Variants in SPATA13 observed in about 807,000 individuals in gnomAD.
SPATA13 encodes the protein spermatogenesis-associated protein 13.
SPATA13 carries 50 observed loss-of-function variants against 104.0 expected under a neutral mutation model. The observed-to-expected ratio is 0.48, with a 90% CI of 0.38 to 0.61. The LOEUF (loss-of-function observed/expected upper bound fraction) is 0.61. Ranked by LOEUF, SPATA13 falls within the 20% of genes least tolerant of loss-of-function variation. The pLI is 0.00. For synonymous variants in SPATA13, 606 were observed against 667.5 expected (o/e 0.91, Z 1.42); for missense variants, 1,524 against 1,690.6 (o/e 0.90, Z 1.73).
chr13:24,280,924 A>G (rs1271417397), intron 4 of SPATA13, among the ~76,000 whole-genome samples: 2 of 152,130 alleles, frequency 1.3e-5, no homozygotes, highest in Non-Finnish European at 2.9e-5. Context: ...TTTAAAACGA[A>G]ACAGTCACCA....
intron 4 of SPATA13, chr13:24,278,832 C>A (rs746731890): frequency 2.5e-6 from 4 of 1,590,924 alleles, no homozygotes; most frequent in Non-Finnish European, 3.4e-6. Flanking sequence ...GCAAGTTCAT[C>A]TGACCCCAAA....
At position 24,139,790 on chromosome 13, in the gene SPATA13, G is replaced by A. The variant is rs1015064316; in HGVS notation, c.-111-83029G>A. ...TTTTAAAATCTGTAACATGCAGGCC[G>A]GGCGCGGTGGCTCACGTCTGTAATC... On this transcript the variant is annotated intron_variant, in intron 3 of 14. Transcript: ENST00000424834. 1.3e-4 allele frequency among the ~76,000 whole-genome samples: 20 copies of A among 152,198 alleles called. No individual in the cohort carries two copies. In the South Asian group the frequency reaches 1.9e-3, roughly 14 times the overall value.
intron 3 of SPATA13, among the ~76,000 whole-genome samples, chr13:24,070,237 T>C (rs747551086): frequency 3.9e-5 from 6 of 152,186 alleles, no homozygotes; most frequent in Non-Finnish European, 8.8e-5. Context: ...GTTTGCACGG[T>C]AAACATGATG....
chr13:24,145,537 C>G (rs745746969), intron 3 of SPATA13, among the ~76,000 whole-genome samples: 8 of 152,150 alleles, frequency 5.3e-5, no homozygotes, highest in Admixed American at 1.3e-4. Flanking sequence ...TACTCCAGGC[C>G]TCAGTAAGAA....
At chr13:23,993,716 AG>A (rs1371512147) in intron 2 of SPATA13, among the ~76,000 whole-genome samples, 1 of 152,202 alleles carries the variant, frequency 6.6e-6, no homozygotes, top group Non-Finnish European at 1.5e-5. Context: ...CTAGAGGGAG[AG>A]GAAGCATCCA....
At chr13:24,151,220 G>A (rs545970254) in intron 3 of SPATA13, among the ~76,000 whole-genome samples, 5 of 152,312 alleles carry the variant, frequency 3.3e-5, no homozygotes, top group African/African-American at 1.2e-4. Flanking sequence ...TGTGATTGTG[G>A]GCATGCGTCC....
chr13:24,071,583 C>G (rs916305247), intron 3 of SPATA13, among the ~76,000 whole-genome samples: 2 of 152,220 alleles, frequency 1.3e-5, no homozygotes, highest in African/African-American at 4.8e-5. Flanking sequence ...GATGTGACCT[C>G]TGGTCTGACT....
At chr13:24,170,505 A>C (rs924591379) in intron 1 of SPATA13, among the ~76,000 whole-genome samples, 1 of 152,218 alleles carries the variant, frequency 6.6e-6, no homozygotes. Context: ...GTCTGTCGTC[A>C]GCAAGAGGTG....
intron 2 of SPATA13, among the ~76,000 whole-genome samples, chr13:24,243,558 C>T (rs1427568405): frequency 6.6e-6 from 1 of 152,180 alleles, no homozygotes; most frequent in East Asian, 1.9e-4. Context: ...GCTCTATTAA[C>T]GTGAGCAAAT....
intron 3 of SPATA13, among the ~76,000 whole-genome samples, chr13:24,045,278 T>C (rs1315851164): frequency 6.6e-6 from 1 of 152,240 alleles, no homozygotes; most frequent in Non-Finnish European, 1.5e-5. Flanking sequence ...TAGAGCTAAA[T>C]TTAATATTCG....
At chr13:24,117,907 T>C (rs1880904348) in intron 3 of SPATA13, among the ~76,000 whole-genome samples, 2 of 152,230 alleles carry the variant, frequency 1.3e-5, no homozygotes. Context: ...TTGGGTTGTT[T>C]ATAAAAACCA....
chr13:24,286,633 T>C lies in SPATA13; in HGVS notation c.2482-132T>C. On this transcript the variant is annotated intron_variant, in intron 6 of 12. Transcript: ENST00000382108. The surrounding 1 kb of genome is among the most constrained non-coding windows in gnomAD (Gnocchi z 4.9). Reference sequence around the variant, plus strand: ...CATAGCCGCAGCCCTGCTGAGGCCATGAGACTCAGGCGAGGGCCAGGCTGC... The same window carrying C: ...CATAGCCGCAGCCCTGCTGAGGCCACGAGACTCAGGCGAGGGCCAGGCTGC... 1 of 910,208 alleles carries C rather than the reference T, an allele frequency of 1.1e-6. No homozygotes were observed. 56.4% of individuals were successfully genotyped at this position (910,208 alleles called of 1,614,324 possible). A position where few individuals can be genotyped will look rare whatever the true frequency, so the allele number is the denominator to read the frequency against.
chr13:24,297,911 C>G lies in SPATA13; in HGVS notation c.3583+176C>G, dbSNP rs77218736. Reference sequence around the variant, plus strand: ...CTTCTGAATGCACTTACAAGACAGACCATGTCAGATGTAGTTACTACCGGC... The same window carrying G: ...CTTCTGAATGCACTTACAAGACAGAGCATGTCAGATGTAGTTACTACCGGC... On this transcript the variant is annotated intron_variant, in intron 11 of 12. Transcript: ENST00000382108. 1.1e-3 allele frequency among the ~76,000 whole-genome samples: 174 copies of G among 152,348 alleles called. 1 individual carries two copies. In the East Asian group the frequency reaches 0.019, roughly 17 times the overall value.
At position 24,110,109 on chromosome 13, in the gene SPATA13, G is replaced by A. The variant is rs113789750; in HGVS notation, c.-112+92408G>A. Among the ~76,000 whole-genome samples, 92 of 151,166 alleles carry A rather than the reference G, an allele frequency of 6.1e-4. 1 individual carries two copies. Among genetic ancestry groups the A allele is most frequent in the African/African-American group, 2.0e-3 (83 of 41,080 alleles). On this transcript the variant is annotated intron_variant, in intron 3 of 14. Transcript: ENST00000424834. ...CTTTATTGTTAACTACATCACTCCA[G>A]CTATAGGGTAAATAATGGCACTTTG...
chr13:24,005,452 T>C (rs887539817), intron 2 of SPATA13, among the ~76,000 whole-genome samples: 2 of 152,182 alleles, frequency 1.3e-5, no homozygotes, highest in Non-Finnish European at 2.9e-5. Flanking sequence ...CAGGAGCTCA[T>C]ATTTAAGTAC....
intron 3 of SPATA13, among the ~76,000 whole-genome samples, chr13:24,080,640 C>A (rs1194519746): frequency 6.6e-6 from 1 of 152,188 alleles, no homozygotes; most frequent in Non-Finnish European, 1.5e-5. Flanking sequence ...ACAGGTAGAT[C>A]TGAGATTTCA....
intron 3 of SPATA13, among the ~76,000 whole-genome samples, chr13:24,110,034 A>G (rs1880586938): frequency 6.7e-6 from 1 of 148,710 alleles, no homozygotes; most frequent in South Asian, 2.2e-4. Flanking sequence ...TGCTTTTAGA[A>G]TTGCAAATTT....
chr13:24,205,643 AG>A lies in SPATA13; in HGVS notation c.-111-17175del, dbSNP rs1290106808. On this transcript the variant is annotated intron_variant, in intron 1 of 12. Transcript: ENST00000382108. The surrounding 1 kb of genome is among the most constrained non-coding windows in gnomAD (Gnocchi z 4.1). ...ATAGTGAAGACAATTCTAAGCAAAA[AG>A]AAGAAAGCTGGAGGCATCACTTTAC... Among the ~76,000 whole-genome samples, 2 of 152,240 alleles carry A rather than the reference AG, an allele frequency of 1.3e-5. No individual in the cohort carries two copies. Among genetic ancestry groups the A allele is most frequent in the African/African-American group, 4.8e-5 (2 of 41,472 alleles).
At chr13:24,259,665 T>G (rs889321946) in intron 4 of SPATA13, among the ~76,000 whole-genome samples, 2 of 152,228 alleles carry the variant, frequency 1.3e-5, no homozygotes, top group Admixed American at 6.5e-5. Flanking sequence ...CCTCATCAGC[T>G]CAACATTATG....
Sources: gnomAD v4.1 joint callset for allele counts (sites outside exome capture counted in the v4.1 genomes callset) on GRCh38, gnomAD v4.1.1 for gene constraint, Gnocchi (gnomAD v3.1) non-coding constraint, MANE v1.5 for transcripts, NCBI Gene and HGNC (gene_info 2026-07-23, HGNC 2026-07-21) for gene names.